Variants in DCLRE1C observed in about 807,000 individuals in gnomAD.
DCLRE1C encodes protein artemis.
DCLRE1C carries 47 observed loss-of-function variants against 61.4 expected under a neutral mutation model. The ratio of observed to expected loss-of-function variants is 0.77; its 90% CI spans 0.61 to 0.98. DCLRE1C has a LOEUF of 0.98. Ranked by LOEUF, DCLRE1C falls within the 50% of genes least tolerant of loss-of-function variation. The pLI is 0.00. For synonymous variants in DCLRE1C, 337 were observed against 287.6 expected (o/e 1.17, Z -1.74); for missense variants, 858 against 816.0 (o/e 1.05, Z -0.63).
At chr10:14,928,393 G>A (rs948096423) in intron 9 of DCLRE1C, among the ~76,000 whole-genome samples, 2 of 152,156 alleles carry the variant, frequency 1.3e-5, no homozygotes, top group African/African-American at 4.8e-5. Flanking sequence ...CAAAAGGCTA[G>A]ACAAACGATC....
chr10:14,927,674 A>G (rs1363309708), intron 10 of DCLRE1C, among the ~76,000 whole-genome samples: 1 of 151,948 alleles, frequency 6.6e-6, no homozygotes, highest in Non-Finnish European at 1.5e-5. Flanking sequence ...AGTTAAGGAA[A>G]TATTGCTAAA....
intron 4 of DCLRE1C, among the ~76,000 whole-genome samples, chr10:14,936,939 A>C (rs1363310020): frequency 4.6e-5 from 7 of 152,244 alleles, no homozygotes; most frequent in Non-Finnish European, 7.3e-5. Context: ...AATCAGGAAA[A>C]TGTGGTCTAG....
exon 14 of DCLRE1C, chr10:14,897,382 T>C (rs757438301): frequency 1.9e-6 from 3 of 1,613,320 alleles, no homozygotes; most frequent in African/African-American, 1.3e-5. Context: ...GTGGTCCTGA[T>C]TGTCCCAATA....
chr10:14,923,126 G>A (rs1388376234), intron 11 of DCLRE1C, 57 bp from the exon 12 acceptor site: 7 of 1,260,336 alleles, frequency 5.6e-6, no homozygotes, highest in East Asian at 4.7e-5. Context: ...AGGTTGTTAG[G>A]GGAGATAAAG....
At chr10:14,910,293 G>A (rs1251634822) in intron 13 of DCLRE1C, among the ~76,000 whole-genome samples, 1 of 152,160 alleles carries the variant, frequency 6.6e-6, no homozygotes, top group East Asian at 1.9e-4. Flanking sequence ...AGGTCACTAA[G>A]ATATCTAACG....
chr10:14,909,176 T>C lies in DCLRE1C; in HGVS notation c.1311A>G (p.Arg437=). 2 of 1,614,212 alleles carry C rather than the reference T, an allele frequency of 1.2e-6. No individual in the cohort carries two copies. The highest frequency in any genetic ancestry group is 1.7e-6 in the Non-Finnish European group (2 of 1,180,032). The change falls in exon 14 of 14, where the codon AGA becomes AGG. Residue 437 remains arginine, a synonymous_variant. Coordinates refer to ENST00000378278, the MANE Select transcript of DCLRE1C (RefSeq NM_001033855.3). ...EKLRQTPGCC[R]AECMQSSRFT... ...AACGAGAGCTCTGCATACACTCTGCTCTGCAGCATCCTGGGGTTTGTCTCA... is the reference window on the plus strand; with the variant it reads ...AACGAGAGCTCTGCATACACTCTGCCCTGCAGCATCCTGGGGTTTGTCTCA...
intron 1 of DCLRE1C, among the ~76,000 whole-genome samples, chr10:14,950,295 G>T (rs1355469686): frequency 2.1e-5 from 3 of 144,434 alleles, no homozygotes; most frequent in African/African-American, 7.7e-5. Context: ...AGCTGAGATT[G>T]TACCATTGCA....
intron 8 of DCLRE1C, 42 bp downstream of exon 8, chr10:14,934,338 A>G (rs1564438406): frequency 3.1e-6 from 5 of 1,597,484 alleles, no homozygotes; most frequent in Middle Eastern, 1.7e-4. Context: ...AAAAAAAAAA[A>G]AAAAAGAAAA....
intron 8 of DCLRE1C, among the ~76,000 whole-genome samples, chr10:14,933,372 T>A (rs1839343392): frequency 6.6e-6 from 1 of 152,190 alleles, no homozygotes. Flanking sequence ...TGCTGTGGCT[T>A]ATGCCTGTAT....
In DCLRE1C at chr10:14,906,997, T is replaced by C. The variant is rs1186023870; in HGVS notation, c.*1411A>G. On this transcript the variant is annotated 3_prime_UTR_variant, in exon 14 of 14. Coordinates refer to ENST00000378278, the MANE Select transcript of DCLRE1C (RefSeq NM_001033855.3). ...CATCCTGCCACCTAAGCCTTCCAAG[T>C]AGCGAGGACTACAGGTGCACACCAC... Among the ~76,000 whole-genome samples, 1 of 151,996 alleles carries C rather than the reference T, an allele frequency of 6.6e-6. No individual in the cohort carries two copies. The highest frequency in any genetic ancestry group is 1.5e-5 in the Non-Finnish European group (1 of 67,996).
chr10:14,953,171 G>A (rs1842706666), intron 1 of DCLRE1C, among the ~76,000 whole-genome samples: 1 of 152,072 alleles, frequency 6.6e-6, no homozygotes, highest in East Asian at 1.9e-4. Context: ...GTTTTCCCTG[G>A]TAAAAGTTAG....
downstream of DCLRE1C, chr10:14,902,543 A>G (rs1382492576): frequency 1.5e-6 from 2 of 1,377,780 alleles, no homozygotes; most frequent in East Asian, 2.4e-5. Context: ...TGATGATTAT[A>G]ATATTTTTTT....
Position 14,906,275 on chromosome 10 carries a change from G to C in DCLRE1C, c.*2133C>G, listed in dbSNP as rs550365875. Among the ~76,000 whole-genome samples the C allele has an allele frequency of 6.6e-6, 1 of 152,338 alleles. No individual in the cohort carries two copies. Among genetic ancestry groups the C allele is most frequent in the African/African-American group, 2.4e-5 (1 of 41,582 alleles). Reference sequence around the variant, plus strand: ...AAAATTAAAGGAGTTCATATAGTCTGTAAAAAACTTAAGAGCATCATCAGA... The same window carrying C: ...AAAATTAAAGGAGTTCATATAGTCTCTAAAAAACTTAAGAGCATCATCAGA... On this transcript the variant is annotated 3_prime_UTR_variant, in exon 14 of 14. Transcript: ENST00000378278.
chr10:14,921,257 T>G (rs1467895889), intron 12 of DCLRE1C, among the ~76,000 whole-genome samples: 1 of 151,590 alleles, frequency 6.6e-6, no homozygotes, highest in Non-Finnish European at 1.5e-5. Flanking sequence ...GATGGGGAGC[T>G]TGTAGTGAGC....
intron 11 of DCLRE1C, among the ~76,000 whole-genome samples, chr10:14,925,368 C>T (rs979250923): frequency 2.0e-5 from 3 of 152,120 alleles, no homozygotes; most frequent in African/African-American, 7.2e-5. Context: ...AGTTGACTCC[C>T]TTTTATCAAA....
rs2131779956 is a variant in DCLRE1C, at chr10:14,909,286, A to G, written c.1201T>C (p.Leu401=). ...YLFDDPLPIP[L]RHKVPYPETF... ...TCCGGGTATGGAACTTTGTGCCTTA[A>G]AGGTATTGGCAGAGGATCATCAAAG... The change falls in exon 14 of 14, where the codon TTA becomes CTA. Residue 401 remains leucine (L), a synonymous_variant. Coordinates refer to ENST00000378278, the MANE Select transcript of DCLRE1C (RefSeq NM_001033855.3). The G allele has an allele frequency of 6.2e-7, 1 of 1,613,864 alleles. No individual in the cohort carries two copies. The highest frequency in any genetic ancestry group is 8.5e-7 in the Non-Finnish European group (1 of 1,179,962).
chr10:14,954,389 T>G (rs1254513810), upstream of DCLRE1C: 5 of 357,002 alleles, frequency 1.4e-5, no homozygotes, highest in Non-Finnish European at 2.2e-5. Flanking sequence ...GCCGACGAGG[T>G]GAGTGGGCTG....
chr10:14,951,974 G>A (rs759808781), intron 1 of DCLRE1C, among the ~76,000 whole-genome samples: 19 of 152,174 alleles, frequency 1.2e-4, no homozygotes, highest in Non-Finnish European at 2.1e-4. Context: ...CAGAAGTTGT[G>A]TTTTCACCCT....
rs942402003 is a variant in DCLRE1C, at chr10:14,907,279, C to T, written c.*1129G>A. On this transcript the variant is annotated 3_prime_UTR_variant, in exon 14 of 14. Coordinates refer to ENST00000378278, the MANE Select transcript of DCLRE1C (RefSeq NM_001033855.3). ...ATAAGGTGCTGATTTTGTCTATAGC[C>T]ATCAGTTTATCATACTAGATCCAAG... 1.3e-5 allele frequency among the ~76,000 whole-genome samples: 2 copies of T among 149,974 alleles called. No individual in the cohort carries two copies. The highest frequency in any genetic ancestry group is 3.0e-5 in the Non-Finnish European group (2 of 67,646).
Sources: gnomAD v4.1 joint callset for allele counts (sites outside exome capture counted in the v4.1 genomes callset) on GRCh38, gnomAD v4.1.1 for gene constraint, MANE v1.5 for transcripts, NCBI Gene and HGNC (gene_info 2026-07-23, HGNC 2026-07-21) for gene names.